The following SORCS3 variants were observed in gnomAD, a reference collection of about 807,000 sequenced individuals.
SORCS3 encodes the protein sortilin related VPS10 domain containing receptor 3.
A neutral mutation model predicts 146.3 loss-of-function variants in SORCS3; 57 were observed. The ratio of observed to expected loss-of-function variants is 0.39; its 90% confidence interval spans 0.31 to 0.49. The LOEUF (loss-of-function observed/expected upper bound fraction) is 0.49. SORCS3 is among the 20% of genes least tolerant of loss of function. The pLI is 0.92. For missense variants in SORCS3, 1,341 were observed against 1,575.5 expected, an observed-to-expected ratio of 0.85 and a Z score of 2.52; for synonymous variants, 653 against 618.5, an observed-to-expected ratio of 1.06 and a Z score of -0.83.
intron 1 of SORCS3, among the ~76,000 whole-genome samples, chr10:104,762,816 C>T (rs1264963081): frequency 6.6e-6 from 1 of 152,150 alleles, no homozygotes; most frequent in Non-Finnish European, 1.5e-5. Flanking sequence ...CTTCTCTAGC[C>T]ATGCGGAACT....
chr10:104,950,267 G>A (rs2019414627), intron 3 of SORCS3, among the ~76,000 whole-genome samples: 1 of 152,168 alleles, frequency 6.6e-6, no homozygotes, highest in Non-Finnish European at 1.5e-5. Flanking sequence ...CCTATTGCCT[G>A]TTTGGACAAA....
At chr10:104,856,884 G>T (rs1409269489) in intron 2 of SORCS3, among the ~76,000 whole-genome samples, 1 of 145,920 alleles carries the variant, frequency 6.9e-6, no homozygotes, top group Non-Finnish European at 1.5e-5. Context: ...GATATATATA[G>T]AGAGAAAGAT....
intron 1 of SORCS3, among the ~76,000 whole-genome samples, chr10:104,655,792 C>T (rs2133243072): frequency 6.6e-6 from 1 of 152,268 alleles, no homozygotes; most frequent in African/African-American, 2.4e-5. Flanking sequence ...CCGCCTTGCT[C>T]CTGCTTCTTC....
At chr10:105,179,247 G>T (rs2056427721) in intron 14 of SORCS3, among the ~76,000 whole-genome samples, 1 of 152,056 alleles carries the variant, frequency 6.6e-6, no homozygotes, top group Admixed American at 6.5e-5. Flanking sequence ...TACATGACCT[G>T]GTATTCCCTA....
At chr10:105,136,214 C>A (rs2056058117) in intron 7 of SORCS3, among the ~76,000 whole-genome samples, 1 of 152,162 alleles carries the variant, frequency 6.6e-6, no homozygotes, top group Non-Finnish European at 1.5e-5. Context: ...ATGACAAAGA[C>A]CCCTGCAGGT....
intron 7 of SORCS3, among the ~76,000 whole-genome samples, chr10:105,106,438 T>G (rs563628590): frequency 6.6e-6 from 1 of 152,308 alleles, no homozygotes; most frequent in African/African-American, 2.4e-5. Flanking sequence ...CCTTGCAACT[T>G]TATGGTCTAT....
At chr10:105,199,567 A>T (rs767645918) in intron 14 of SORCS3, among the ~76,000 whole-genome samples, 2 of 152,152 alleles carry the variant, frequency 1.3e-5, no homozygotes, top group Admixed American at 6.5e-5. Context: ...CACTTTACAG[A>T]TGAGGAAACT....
At chr10:105,164,228 T>C in intron 11 of SORCS3, 75 bp from the exon 12 acceptor site, 3 of 1,076,704 alleles carry the variant, frequency 2.8e-6, no homozygotes, top group African/African-American at 3.1e-5. Flanking sequence ...TACTCTCTGC[T>C]CCCCCATCCC....
chr10:105,075,983 C>A (rs1364763245), intron 5 of SORCS3, among the ~76,000 whole-genome samples: 1 of 152,160 alleles, frequency 6.6e-6, no homozygotes, highest in Admixed American at 6.5e-5. Flanking sequence ...TAGTCACTTT[C>A]TACATAATCA....
chr10:104,806,766 A>G (rs2017683569), intron 1 of SORCS3, among the ~76,000 whole-genome samples: 1 of 152,232 alleles, frequency 6.6e-6, no homozygotes, highest in Admixed American at 6.5e-5. Flanking sequence ...ATTTTGTCCA[A>G]CTACAAAGAA....
At chr10:105,174,436 A>AAAT (rs138806203) in intron 13 of SORCS3, among the ~76,000 whole-genome samples, 3,527 of 151,684 alleles carry the variant, frequency 0.023, 121 homozygotes, top group African/African-American at 0.074. Flanking sequence ...CTAGTCATCA[A>AAAT]AATAATAATA....
chr10:104,770,670 T>A lies in SORCS3; in HGVS notation c.628-72122T>A, dbSNP rs999140493. 5.3e-5 allele frequency among the ~76,000 whole-genome samples: 8 copies of A among 151,380 alleles called. No homozygotes were observed. The East Asian group carries it at 7.8e-4, about 15-fold the overall frequency. ...CCCCATCTCTACCAAAAAAATAAAA[T>A]ATATATATATACATAGGCTGGGTGT... is the stretch of plus-strand genomic sequence containing the variant. On this transcript the variant is annotated intron_variant, in intron 1 of 26. Transcript: ENST00000369701.
intron 1 of SORCS3, among the ~76,000 whole-genome samples, chr10:104,744,531 T>G (rs1212830105): frequency 6.6e-6 from 1 of 152,254 alleles, no homozygotes; most frequent in African/African-American, 2.4e-5. Context: ...TTATCTCCAC[T>G]GTTACAATGA....
At chr10:104,919,508 T>C (rs747798172) in intron 3 of SORCS3, among the ~76,000 whole-genome samples, 1 of 151,984 alleles carries the variant, frequency 6.6e-6, no homozygotes, top group Non-Finnish European at 1.5e-5. Context: ...CTGACCAACA[T>C]GGAGAAACCC....
chr10:104,753,153 T>G (rs897992523), intron 1 of SORCS3, among the ~76,000 whole-genome samples: 1 of 152,216 alleles, frequency 6.6e-6, no homozygotes, highest in Non-Finnish European at 1.5e-5. Flanking sequence ...AATTTGGCAT[T>G]GACTTTGGAC....
intron 7 of SORCS3, among the ~76,000 whole-genome samples, chr10:105,121,237 G>A (rs1024056608): frequency 6.6e-6 from 1 of 152,194 alleles, no homozygotes; most frequent in Non-Finnish European, 1.5e-5. Flanking sequence ...TGTTGTTATA[G>A]TGGAAAACGG....
chr10:105,040,564 C>A (rs1194518946), intron 4 of SORCS3, among the ~76,000 whole-genome samples: 1 of 152,144 alleles, frequency 6.6e-6, no homozygotes, highest in Non-Finnish European at 1.5e-5. Context: ...TTAGCCCTTG[C>A]CCCAATTTTC....
rs779569548 is a variant in SORCS3 at position 105,217,083 on chromosome 10, C to G, written c.2695C>G (p.Leu899Val). ...FQVTAYAENN[L>V]GSDTAVLFLH... ...GGTGACAGCCTATGCAGAGAACAAC[C>G]TTGGCTCAGACACAGCTGTCCTCTT... Residue 899 changes from leucine (L) to valine (V), a missense_variant, in exon 19 of 27, where the codon CTT becomes GTT. Coordinates refer to ENST00000369701, the MANE Select transcript of SORCS3 (RefSeq NM_014978.3). The G allele has an allele frequency of 1.5e-5, 25 of 1,613,984 alleles. No individual in the cohort carries two copies. The highest frequency in any genetic ancestry group is 2.1e-5 in the Non-Finnish European group (25 of 1,180,016).
intron 1 of SORCS3, among the ~76,000 whole-genome samples, chr10:104,785,280 AC>A (rs2017420957): frequency 7.0e-6 from 1 of 143,698 alleles, no homozygotes; most frequent in East Asian, 2.0e-4. Context: ...CTGTGACCTT[AC>A]CCCCAACCCT....
Sources: allele counts gnomAD v4.1 joint callset (sites outside exome capture counted in the v4.1 genomes callset), GRCh38; gene constraint gnomAD v4.1.1; transcripts MANE v1.5; gene names NCBI Gene and HGNC (gene_info 2026-07-23, HGNC 2026-07-21).